Variants in RRAGB observed in about 807,000 individuals in gnomAD.
RRAGB encodes the protein Ras related GTP binding B.
Under a neutral mutation model 29.3 loss-of-function variants are expected in RRAGB, and 6 were observed. The observed-to-expected ratio is 0.21, with a 90% CI of 0.11 to 0.40. The LOEUF is 0.40. Among genes scored for constraint, RRAGB ranks in the 10% least tolerant of loss-of-function variants. The probability of loss-of-function intolerance (pLI) is 1.00; values close to 1 mark genes in which losing one functional copy is unlikely to be tolerated. For synonymous variants in RRAGB, 101 were observed against 92.5 expected (o/e 1.09, Z -0.53); for missense variants, 184 against 272.9 (o/e 0.67, Z 2.29).
chrX:55,749,642 G>C (rs2034450145), intron 5 of RRAGB, among the ~76,000 whole-genome samples: 1 of 110,903 alleles, frequency 9.0e-6, no homozygotes, highest in South Asian at 4.0e-4. Context: ...TGCTGTGTCT[G>C]TGTGGAAAGA....
chrX:55,719,431 C>G (rs1203636783), intron 2 of RRAGB, 84 bp downstream of exon 2: 2 of 641,844 alleles, frequency 3.1e-6, no homozygotes, highest in African/African-American at 2.3e-5. Context: ...TATACACCAT[C>G]TTTTCTGGAC....
intron 4 of RRAGB, among the ~76,000 whole-genome samples, chrX:55,730,556 A>G (rs962962236): frequency 8.9e-6 from 1 of 111,971 alleles, no homozygotes; most frequent in Non-Finnish European, 1.9e-5. Flanking sequence ...CTGCTGGCCA[A>G]GTGGTAATTG....
At chrX:55,731,332 T>A in intron 4 of RRAGB, 32 bp from the exon 5 acceptor site, 2 of 1,066,268 alleles carry the variant, frequency 1.9e-6, no homozygotes, top group Non-Finnish European at 2.6e-6. Flanking sequence ...GAATTGAGGA[T>A]TTGCTTACTA....
At chrX:55,722,460 G>A (rs202038631) in intron 3 of RRAGB, among the ~76,000 whole-genome samples, 175 bp downstream of exon 3, 1 of 111,384 alleles carries the variant, frequency 9.0e-6, no homozygotes, top group African/African-American at 3.3e-5. Context: ...AGTTACTACT[G>A]CTTGCTGTCT....
intron 3 of RRAGB, among the ~76,000 whole-genome samples, chrX:55,723,132 T>C (rs2033348295): frequency 9.0e-6 from 1 of 111,346 alleles, no homozygotes; most frequent in African/African-American, 3.3e-5. Context: ...GCAGCTTTGT[T>C]GTCTAGAAAG....
chrX:55,741,404 C>G (rs2034066357), intron 5 of RRAGB, among the ~76,000 whole-genome samples: 2 of 112,046 alleles, frequency 1.8e-5, no homozygotes, highest in South Asian at 7.4e-4. Flanking sequence ...TGTCTAACAT[C>G]ATTTCCATAT....
At chrX:55,734,411 A>G (rs1454244044) in intron 5 of RRAGB, among the ~76,000 whole-genome samples, 1 of 110,788 alleles carries the variant, frequency 9.0e-6, no homozygotes, top group African/African-American at 3.3e-5. Flanking sequence ...CTTTGAGTGC[A>G]TAGAAGTGTT....
intron 7 of RRAGB, chrX:55,755,624 T>C (rs1295698262): frequency 2.3e-5 from 17 of 750,075 alleles, no homozygotes; most frequent in Non-Finnish European, 2.7e-5. Flanking sequence ...ATGATTTAAT[T>C]ATAACCAAAT....
intron 5 of RRAGB, among the ~76,000 whole-genome samples, chrX:55,739,600 C>T (rs5914436): frequency 0.33 from 36,573 of 110,975 alleles, 4,688 homozygotes; most frequent in Middle Eastern, 0.47. Flanking sequence ...ATTGTCTCCC[C>T]CTTTCATGCT....
rs1295552682 is a variant in RRAGB, at chrX:55,720,809, C to T, written c.127-1377C>T. Among the ~76,000 whole-genome samples, 5 of 110,652 alleles carry T rather than the reference C, an allele frequency of 4.5e-5. No homozygotes were observed. The South Asian group carries it at 1.1e-3, about 25-fold the overall frequency. ...ATGAGAATCACTTGAACCCGGGAGG[C>T]GGAGGTTGCAGTGAGCTGAGATCAT... On this transcript the variant is annotated intron_variant, in intron 2 of 9. Transcript: ENST00000374941.
At chrX:55,733,058 G>A (rs2033737696) in intron 5 of RRAGB, among the ~76,000 whole-genome samples, 1 of 110,569 alleles carries the variant, frequency 9.0e-6, no homozygotes, top group South Asian at 3.8e-4. Context: ...GGCTTTTAGT[G>A]CATTCATCAC....
At chrX:55,748,972 C>CT (rs1343457805) in intron 5 of RRAGB, among the ~76,000 whole-genome samples, 2 of 92,534 alleles carry the variant, frequency 2.2e-5, no homozygotes, top group African/African-American at 8.2e-5. Flanking sequence ...GGGAGTCAGC[C>CT]CCCCCGCCCG....
chrX:55,727,258 G>A, intron 3 of RRAGB: 2 of 1,130,977 alleles, frequency 1.8e-6, no homozygotes, highest in Non-Finnish European at 2.4e-6. Context: ...CACTTCTTTT[G>A]TTATTGTCTT....
At chrX:55,722,699 A>G (rs17002906) in intron 3 of RRAGB, among the ~76,000 whole-genome samples, 3,489 of 111,914 alleles carry the variant, frequency 0.031, 151 homozygotes, top group African/African-American at 0.11. Context: ...AAGGTAAATT[A>G]CGGTGGTGGG....
At chrX:55,755,000 A>G (rs1174886456) in intron 7 of RRAGB, 1 of 556,144 alleles carries the variant, frequency 1.8e-6, no homozygotes, top group Non-Finnish European at 2.2e-6. Context: ...ACATGGTTGT[A>G]GAGGTTAACC....
At chrX:55,719,431 C>A in intron 2 of RRAGB, 84 bp downstream of exon 2, 1 of 643,497 alleles carries the variant, frequency 1.6e-6, no homozygotes, top group Non-Finnish European at 2.3e-6. Context: ...TATACACCAT[C>A]TTTTCTGGAC....
intron 4 of RRAGB, among the ~76,000 whole-genome samples, 156 bp from the exon 5 acceptor site, chrX:55,731,208 G>C (rs968554195): frequency 1.1e-4 from 12 of 111,514 alleles, no homozygotes; most frequent in African/African-American, 3.9e-4. Flanking sequence ...TGGCTCAAGA[G>C]GTGAGAAGGT....
In RRAGB at chrX:55,751,180, A is replaced by G; in HGVS notation, c.596A>G (p.Asp199Gly). The change falls in exon 6 of 10, where the codon GAT (aspartate) becomes GGT (glycine). Residue 199 changes from aspartate (D) to glycine (G), a missense_variant. Physicochemically the swap from Asp to Gly is moderately conservative, Grantham distance 94 (BLOSUM62 -1). Transcript: ENST00000374941. ...TCTTGTTTCCGAACATCTATCTGGG[A>G]TGAAACCCTCTATAAGGTGTGTATG... ...ECSCFRTSIW[D>G]ETLYKAWSSI... is the part of the protein sequence containing the mutation. 1 of 1,157,232 alleles carries G rather than the reference A, an allele frequency of 8.6e-7. No individual in the cohort carries two copies. The highest frequency in any genetic ancestry group is 1.2e-6 in the Non-Finnish European group (1 of 847,000).
At chrX:55,744,956 G>C (rs906295850) in intron 5 of RRAGB, among the ~76,000 whole-genome samples, 2 of 111,748 alleles carry the variant, frequency 1.8e-5, no homozygotes, top group African/African-American at 3.3e-5. Context: ...AAATTCAGAG[G>C]CTTGCTAGAT....
Sources: allele counts gnomAD v4.1 joint callset (sites outside exome capture counted in the v4.1 genomes callset), GRCh38; gene constraint gnomAD v4.1.1; transcripts MANE v1.5; gene names NCBI Gene and HGNC (gene_info 2026-07-23, HGNC 2026-07-21).